RAPGEF1: variants seen among roughly 807,000 people sequenced by gnomAD.
RAPGEF1 encodes Rap guanine nucleotide exchange factor 1.
A neutral mutation model predicts 143.3 loss-of-function variants in RAPGEF1; 33 were observed. That is an observed-to-expected ratio of 0.23 (90% CI 0.17 to 0.31). The LOEUF (loss-of-function observed/expected upper bound fraction) is 0.31, where lower values mean the gene tolerates loss of function less well. Among genes scored for constraint, RAPGEF1 ranks in the 10% least tolerant of loss-of-function variants. The probability of loss-of-function intolerance (pLI) is 1.00; values close to 1 mark genes in which losing one functional copy is unlikely to be tolerated. For synonymous variants in RAPGEF1, 629 were observed against 676.5 expected (o/e 0.93, Z 1.09); for missense variants, 1,199 against 1,645.4 (o/e 0.73, Z 4.69).
intron 1 of RAPGEF1, among the ~76,000 whole-genome samples, chr9:131,683,292 C>T (rs1833070002): frequency 6.6e-6 from 1 of 152,090 alleles, no homozygotes; most frequent in Non-Finnish European, 1.5e-5. Flanking sequence ...GAACAATGGC[C>T]GCTAAGTAAA....
intron 22 of RAPGEF1, among the ~76,000 whole-genome samples, chr9:131,585,804 C>A (rs1476471798): frequency 6.6e-6 from 1 of 152,066 alleles, no homozygotes; most frequent in African/African-American, 2.4e-5. Flanking sequence ...TGATGCTGAG[C>A]TGCTATGGGG....
At chr9:131,682,411 T>C (rs1211053354) in intron 1 of RAPGEF1, among the ~76,000 whole-genome samples, 2 of 152,224 alleles carry the variant, frequency 1.3e-5, no homozygotes, top group Non-Finnish European at 2.9e-5. Flanking sequence ...TCAGTAGATT[T>C]ATGCTGCACA....
Position 131,628,639 on chromosome 9 carries a change from C to T in RAPGEF1, c.927G>A (p.Gln309=). The T allele has an allele frequency of 6.2e-7, 1 of 1,609,562 alleles. No individual in the cohort carries two copies. Residue 309 remains glutamine, a synonymous_variant, in exon 8 of 27, where the codon CAG becomes CAA. Transcript: ENST00000683357. The surrounding 1 kb of genome is among the most constrained non-coding windows in gnomAD (Gnocchi z 5.7). ...CCACTCGGGTAGGGGACGGCGCCGACTGTCTTTTCTTGGGTGGCAATGCTG... is the reference window on the plus strand; with the variant it reads ...CCACTCGGGTAGGGGACGGCGCCGATTGTCTTTTCTTGGGTGGCAATGCTG... ...PPPALPPKKR[Q]SAPSPTRVAV... is the part of the protein sequence containing the mutation.
chr9:131,591,589 C>T (rs1434376492), intron 18 of RAPGEF1, among the ~76,000 whole-genome samples: 1 of 151,840 alleles, frequency 6.6e-6, no homozygotes, highest in Non-Finnish European at 1.5e-5. Context: ...GAGCCCATTC[C>T]AGTTGTGGAT....
chr9:131,619,426 T>C (rs1960070159), intron 11 of RAPGEF1, among the ~76,000 whole-genome samples: 1 of 152,160 alleles, frequency 6.6e-6, no homozygotes, highest in Admixed American at 6.5e-5. Flanking sequence ...CACTAGATCC[T>C]AAAAATTGTG....
rs770076381 is a variant in RAPGEF1, at chr9:131,626,058, C to A, written c.1566G>T (p.Ala522=). The A allele has an allele frequency of 6.2e-7, 1 of 1,613,740 alleles. No homozygotes were observed. The highest frequency in any genetic ancestry group is 1.1e-5 in the South Asian group (1 of 91,076). The change falls in exon 10 of 27, where the codon GCG becomes GCT. Residue 522 remains alanine (A), a synonymous_variant. Coordinates refer to ENST00000683357, the MANE Select transcript of RAPGEF1 (RefSeq NM_001377935.1). ...GAAAGGGCAGAATAGCAGCAAAGGG[C>A]GCGTAGGGGACGGATGGGATCGGGG... ...STAPIPSVPY[A]PFAAILPFQH... is the part of the protein sequence containing the mutation.
At chr9:131,627,395 T>C (rs567037259) in intron 9 of RAPGEF1, among the ~76,000 whole-genome samples, 4 of 152,286 alleles carry the variant, frequency 2.6e-5, no homozygotes, top group Admixed American at 2.0e-4. Context: ...TCACTGATTA[T>C]GCTCCTAGGA....
At chr9:131,732,562 G>A (rs1486095941) in intron 1 of RAPGEF1, among the ~76,000 whole-genome samples, 1 of 152,216 alleles carries the variant, frequency 6.6e-6, no homozygotes, top group East Asian at 1.9e-4. Flanking sequence ...TCCCAGTGGT[G>A]TTCTGGGAAT....
At chr9:131,595,986 C>T (rs1044897323) in intron 17 of RAPGEF1, among the ~76,000 whole-genome samples, 1 of 152,242 alleles carries the variant, frequency 6.6e-6, no homozygotes, top group Non-Finnish European at 1.5e-5. Flanking sequence ...TTTAGTACTA[C>T]TGGGTGACAT....
intron 1 of RAPGEF1, among the ~76,000 whole-genome samples, chr9:131,662,273 AC>A (rs1974332828): frequency 6.6e-6 from 1 of 152,070 alleles, no homozygotes; most frequent in South Asian, 2.1e-4. Context: ...CCTTAAGCCC[AC>A]CTTCTCCTCC....
chr9:131,646,855 G>C (rs1443380329), intron 3 of RAPGEF1, among the ~76,000 whole-genome samples: 1 of 152,174 alleles, frequency 6.6e-6, no homozygotes, highest in East Asian at 1.9e-4. Flanking sequence ...CTAGCAAGAA[G>C]ACATGTCGAA....
intron 1 of RAPGEF1, among the ~76,000 whole-genome samples, chr9:131,715,297 G>A (rs1307032801): frequency 2.0e-5 from 3 of 152,112 alleles, no homozygotes; most frequent in African/African-American, 7.2e-5. Context: ...TGTCTAGCAG[G>A]GCGACCTAAT....
rs1254674525 is a variant in RAPGEF1 at position 131,678,168 on chromosome 9, GCAAA to G, written c.62-27223_62-27220del. On this transcript the variant is annotated intron_variant, in intron 1 of 26. Coordinates refer to ENST00000683357, the MANE Select transcript of RAPGEF1 (RefSeq NM_001377935.1). ...ACACAGCAAATGAGACACTTTAAAA[GCAAA>G]CAGAGTCAGAAGCTTAGAACTCAAG... Among the ~76,000 whole-genome samples, 10 of 152,172 alleles carry G rather than the reference GCAAA, an allele frequency of 6.6e-5. No homozygotes were observed. In the East Asian group the frequency reaches 7.7e-4, roughly 12 times the overall value.
intron 1 of RAPGEF1, among the ~76,000 whole-genome samples, chr9:131,711,946 A>G (rs532926346): frequency 9.9e-5 from 15 of 152,280 alleles, no homozygotes; most frequent in Middle Eastern, 3.4e-3. Flanking sequence ...AGGGGAAATA[A>G]TCTTTCCAAT....
chr9:131,598,673 T>C (rs1436381557), intron 15 of RAPGEF1: 4 of 415,344 alleles, frequency 9.6e-6, no homozygotes, highest in Non-Finnish European at 1.9e-5. Context: ...GAGAGAAAGC[T>C]GCATTGCTCT....
intron 12 of RAPGEF1, among the ~76,000 whole-genome samples, chr9:131,611,497 G>A (rs1401829996): frequency 2.6e-5 from 4 of 152,162 alleles, no homozygotes; most frequent in African/African-American, 4.8e-5. Context: ...AAAATACTAC[G>A]TTTTGGCCAA....
At chr9:131,683,350 T>C (rs1425875570) in intron 1 of RAPGEF1, among the ~76,000 whole-genome samples, 1 of 152,070 alleles carries the variant, frequency 6.6e-6, no homozygotes, top group Non-Finnish European at 1.5e-5. Context: ...AACTAGAAAA[T>C]GGGCACATAC....
At position 131,655,907 on chromosome 9, in the gene RAPGEF1, G is replaced by T. The variant is rs1164239008; in HGVS notation, c.62-4958C>A. ...CGGCCAAAAAATTTTCTAAAAGGGG[G>T]GTGTGCACTGGAGTCAGAATGTTTG... On this transcript the variant is annotated intron_variant, in intron 1 of 26. Transcript: ENST00000683357. This position sits in a 1 kb window ranked among gnomAD's most constrained non-coding sequence, Gnocchi z 4.1. 2.6e-5 allele frequency among the ~76,000 whole-genome samples: 4 copies of T among 151,946 alleles called. No homozygotes were observed. Among genetic ancestry groups the T allele is most frequent in the African/African-American group, 4.8e-5 (2 of 41,346 alleles).
At chr9:131,707,742 G>A (rs1342455054) in intron 1 of RAPGEF1, among the ~76,000 whole-genome samples, 1 of 152,162 alleles carries the variant, frequency 6.6e-6, no homozygotes, top group Non-Finnish European at 1.5e-5. Flanking sequence ...TGGAGAAAAG[G>A]CATACAAATT....
Sources: gnomAD v4.1 joint callset for allele counts (sites outside exome capture counted in the v4.1 genomes callset) on GRCh38, gnomAD v4.1.1 for gene constraint, Gnocchi (gnomAD v3.1) non-coding constraint, MANE v1.5 for transcripts, NCBI Gene and HGNC (gene_info 2026-07-23, HGNC 2026-07-21) for gene names.